The following MEF2C variants were observed in gnomAD, a reference collection of about 807,000 sequenced individuals.
The protein encoded by MEF2C is myocyte-specific enhancer factor 2C.
In MEF2C, 6 loss-of-function variants were observed where a neutral mutation model predicts 50.5. The observed-to-expected ratio is 0.12, with a 90% CI of 0.07 to 0.23. MEF2C has a LOEUF of 0.23. MEF2C is among the 10% of genes least tolerant of loss of function. The pLI is 1.00. For missense variants in MEF2C, 276 were observed against 605.0 expected (o/e 0.46, Z 5.70); for synonymous variants, 183 against 228.0 (o/e 0.80, Z 1.78).
intron 5 of MEF2C, chr5:88,750,156 T>C: frequency 1.1e-6 from 1 of 872,444 alleles, no homozygotes; most frequent in Non-Finnish European, 1.4e-6. Context: ...TTGGTTCAGG[T>C]TTTGGAATTA....
upstream of MEF2C, among the ~76,000 whole-genome samples, chr5:88,884,893 G>C (rs2150156704): frequency 6.6e-6 from 1 of 150,744 alleles, no homozygotes; most frequent in South Asian, 2.1e-4. Context: ...GCCCAATAAA[G>C]CCAAAGATAA....
chr5:88,793,863 C>T (rs956824932), intron 3 of MEF2C, among the ~76,000 whole-genome samples: 3 of 151,236 alleles, frequency 2.0e-5, no homozygotes, highest in Non-Finnish European at 4.4e-5. Context: ...TCTCATTGTT[C>T]AACTCCCACT....
At chr5:88,845,982 A>G (rs1819174748) in intron 1 of MEF2C, among the ~76,000 whole-genome samples, 1 of 152,128 alleles carries the variant, frequency 6.6e-6, no homozygotes, top group South Asian at 2.1e-4. Flanking sequence ...CTTGATATGT[A>G]CTTTCAGCTT....
intron 3 of MEF2C, among the ~76,000 whole-genome samples, chr5:88,793,031 G>A (rs917714800): frequency 2.0e-5 from 3 of 152,098 alleles, no homozygotes; most frequent in African/African-American, 4.8e-5. Flanking sequence ...TGAGCAAAAC[G>A]TGTACAGTCC....
At chr5:88,770,404 T>C (rs954698971) in intron 3 of MEF2C, among the ~76,000 whole-genome samples, 1 of 152,198 alleles carries the variant, frequency 6.6e-6, no homozygotes, top group Non-Finnish European at 1.5e-5. Context: ...TTTATTCAAT[T>C]TGAGTCTATG....
chr5:88,871,876 T>C (rs1160256048), intron 1 of MEF2C, among the ~76,000 whole-genome samples: 1 of 152,076 alleles, frequency 6.6e-6, no homozygotes, highest in African/African-American at 2.4e-5. Flanking sequence ...GCTGTGGTCA[T>C]AATGAATAAG....
intron 1 of MEF2C, among the ~76,000 whole-genome samples, chr5:88,895,237 G>GTTAAATA (rs1834999978): frequency 6.6e-6 from 1 of 152,118 alleles, no homozygotes; most frequent in Non-Finnish European, 1.5e-5. Flanking sequence ...GATATATAAA[G>GTTAAATA]TAAATATAAA....
chr5:88,804,235 A>G (rs1400103462), intron 3 of MEF2C, among the ~76,000 whole-genome samples: 1 of 152,206 alleles, frequency 6.6e-6, no homozygotes, highest in Non-Finnish European at 1.5e-5. Flanking sequence ...CCTAAAATAA[A>G]TGATCAGAAG....
In MEF2C at chr5:88,744,664, A is replaced by G. The variant is rs147910861; in HGVS notation, c.637+4406T>C. 8.3e-4 allele frequency among the ~76,000 whole-genome samples: 126 copies of G among 152,366 alleles called. No individual in the cohort carries two copies. In the East Asian group the frequency reaches 0.019, roughly 23 times the overall value. Reference sequence around the variant, plus strand: ...GTAGTGGATGAATAACCATCAACTGAAACCTTAGAAAAGTCACTGTTACTA... The same window carrying G: ...GTAGTGGATGAATAACCATCAACTGGAACCTTAGAAAAGTCACTGTTACTA... On this transcript the variant is annotated intron_variant, in intron 6 of 10. Coordinates refer to ENST00000504921, the MANE Select transcript of MEF2C (RefSeq NM_002397.5).
In MEF2C at chr5:88,820,533, G is replaced by C. The variant is rs113948117; in HGVS notation, c.54+3202C>G. Among the ~76,000 whole-genome samples, 837 of 152,074 alleles carry C rather than the reference G, an allele frequency of 5.5e-3. 7 individuals are homozygous for C. The highest frequency in any genetic ancestry group is 0.02 in the African/African-American group (815 of 41,520). The stretch of plus-strand genomic sequence containing the variant: ...TGCTGTAATATTTCATTTCACACTT[G>C]AAGTCAGTATTTCTTTTTCTGGAAA... On this transcript the variant is annotated intron_variant, in intron 2 of 10. Coordinates refer to ENST00000504921, the MANE Select transcript of MEF2C (RefSeq NM_002397.5).
intron 1 of MEF2C, among the ~76,000 whole-genome samples, chr5:88,836,472 CCTTT>C (rs1456705170): frequency 6.6e-6 from 1 of 152,134 alleles, no homozygotes; most frequent in African/African-American, 2.4e-5. Context: ...CATTTCATCA[CCTTT>C]CTTTATCTCT....
chr5:88,746,073 A>G (rs1311905568), intron 6 of MEF2C, among the ~76,000 whole-genome samples: 4 of 152,210 alleles, frequency 2.6e-5, no homozygotes, highest in Non-Finnish European at 5.9e-5. Context: ...AAGGCTGGAG[A>G]GTAGGAATGG....
At chr5:88,765,364 G>A (rs1246192888) in intron 3 of MEF2C, among the ~76,000 whole-genome samples, 1 of 152,134 alleles carries the variant, frequency 6.6e-6, no homozygotes, top group East Asian at 1.9e-4. Flanking sequence ...AATGATTATG[G>A]TGGAATTATA....
chr5:88,747,333 C>CTCT (rs1770267181), intron 6 of MEF2C, among the ~76,000 whole-genome samples: 1 of 21,744 alleles, frequency 4.6e-5, no homozygotes, highest in Admixed American at 6.7e-4. Context: ...TTTTTTACTA[C>CTCT]TTTTTTTTTT....
chr5:88,805,638 A>G (rs1800059561), intron 2 of MEF2C, among the ~76,000 whole-genome samples: 1 of 151,290 alleles, frequency 6.6e-6, no homozygotes, highest in Non-Finnish European at 1.5e-5. Context: ...GCAAAGCCTC[A>G]CTCTTCCTAC....
At chr5:88,790,977 T>G (rs1046743066) in intron 3 of MEF2C, among the ~76,000 whole-genome samples, 8 of 152,226 alleles carry the variant, frequency 5.3e-5, no homozygotes, top group African/African-American at 1.7e-4. Flanking sequence ...ATCTTAGAAT[T>G]CTGCTTCTAG....
intron 1 of MEF2C, chr5:88,824,834 T>C (rs542569926): frequency 5.1e-4 from 77 of 152,018 alleles, no homozygotes; most frequent in African/African-American, 1.8e-3. Flanking sequence ...TGATCATCAA[T>C]AACATGAGAT....
At chr5:88,802,447 G>A (rs553139849) in intron 3 of MEF2C, among the ~76,000 whole-genome samples, 1 of 151,930 alleles carries the variant, frequency 6.6e-6, no homozygotes, top group African/African-American at 2.4e-5. Flanking sequence ...GGGTTTTTTT[G>A]TTGTTGTTGT....
intron 10 of MEF2C, among the ~76,000 whole-genome samples, chr5:88,727,064 G>GT (rs1293279425): frequency 6.6e-6 from 1 of 152,058 alleles, no homozygotes; most frequent in East Asian, 1.9e-4. Context: ...CATAGCAGTT[G>GT]ATACTTTGTA....
Sources: allele counts gnomAD v4.1 joint callset (sites outside exome capture counted in the v4.1 genomes callset), GRCh38; gene constraint gnomAD v4.1.1; transcripts MANE v1.5; gene names NCBI Gene and HGNC (gene_info 2026-07-23, HGNC 2026-07-21).